TARS3: variants seen among roughly 807,000 people sequenced by gnomAD.
The protein encoded by TARS3 is threonine--tRNA ligase 2, cytoplasmic.
In TARS3, 94 loss-of-function variants were observed where a neutral mutation model predicts 103.5. The ratio of observed to expected loss-of-function variants is 0.91; its 90% CI spans 0.77 to 1.08. TARS3 has a LOEUF of 1.08. Among genes scored for constraint, TARS3 ranks in the 50% least tolerant of loss-of-function variants. The probability of loss-of-function intolerance (pLI) is 0.00; values close to 1 mark genes in which losing one functional copy is unlikely to be tolerated. For missense variants in TARS3, 952 were observed against 995.2 expected, an observed-to-expected ratio of 0.96 and a Z score of 0.58; for synonymous variants, 416 against 355.4, an observed-to-expected ratio of 1.17 and a Z score of -1.92.
At position 101,705,745 on chromosome 15, in the gene TARS3, G is replaced by T; in HGVS notation, c.933C>A (p.Tyr311Ter). The T allele has an allele frequency of 6.2e-7, 1 of 1,602,306 alleles. No individual in the cohort carries two copies. The highest frequency in any genetic ancestry group is 8.5e-7 in the Non-Finnish European group (1 of 1,171,640). Reference protein sequence around the residue: ...SKEILLEMFKYNKFKCRILNE... With the variant: ...SKEILLEMFK The stretch of plus-strand genomic sequence containing the variant: ...TCAGAATGCGGCATTTAAATTTATT[G>T]TACTACGAAGAAAAACATATTTACA... The change falls in exon 7 of 19, where the codon TAC becomes TAA. Residue 311 changes from tyrosine to a stop codon, truncating the protein, a stop_gained and splice_region_variant. Coordinates refer to ENST00000335968, the MANE Select transcript of TARS3 (RefSeq NM_152334.3). LOFTEE classifies it high-confidence loss of function.
intron 3 of TARS3, 79 bp from the exon 4 acceptor site, chr15:101,715,042 G>C: frequency 7.2e-6 from 10 of 1,391,636 alleles, no homozygotes; most frequent in Non-Finnish European, 7.6e-6. Flanking sequence ...GAATTTCTAG[G>C]GTTTTTTTTT....
rs76483357 is a variant in TARS3, at chr15:101,663,116, T to C, written c.1968-1300A>G. On this transcript the variant is annotated intron_variant, in intron 15 of 18. Transcript: ENST00000335968. ...TATAAATAACATCTATAGTCATGTGTTGCCTAATGACATTTTGGTCAACAA... is the reference window on the plus strand; with the variant it reads ...TATAAATAACATCTATAGTCATGTGCTGCCTAATGACATTTTGGTCAACAA... Among the ~76,000 whole-genome samples the C allele has an allele frequency of 2.8e-4, 42 of 152,372 alleles. No homozygotes were observed. In the East Asian group the frequency reaches 6.6e-3, roughly 24 times the overall value.
intron 10 of TARS3, among the ~76,000 whole-genome samples, chr15:101,693,982 G>A (rs1898852601): frequency 6.6e-6 from 1 of 151,826 alleles, no homozygotes; most frequent in Admixed American, 6.6e-5. Context: ...AGTTCTGCAT[G>A]TTATCAAAAA....
intron 4 of TARS3, 29 bp downstream of exon 4, chr15:101,714,811 G>T: frequency 6.3e-7 from 1 of 1,596,418 alleles, no homozygotes; most frequent in Non-Finnish European, 8.5e-7. Flanking sequence ...ACTACCCAAA[G>T]TTTGGCTGTC....
intron 13 of TARS3, among the ~76,000 whole-genome samples, chr15:101,674,792 A>G (rs1292651128): frequency 6.6e-6 from 1 of 151,702 alleles, no homozygotes; most frequent in Non-Finnish European, 1.5e-5. Flanking sequence ...GCAACAGAGC[A>G]AGACTCCGTC....
intron 13 of TARS3, among the ~76,000 whole-genome samples, chr15:101,672,407 G>A (rs539739428): frequency 8.5e-4 from 129 of 152,260 alleles, no homozygotes; most frequent in Admixed American, 1.6e-3. Context: ...CGTGAATCCA[G>A]CTTCCCTGGG....
intron 10 of TARS3, among the ~76,000 whole-genome samples, chr15:101,697,336 G>A (rs138417372): frequency 1.3e-5 from 2 of 152,150 alleles, no homozygotes; most frequent in Admixed American, 6.5e-5. Context: ...TTATTACGAG[G>A]TGCCAGAAAC....
chr15:101,661,648 G>T, intron 16 of TARS3, 64 bp downstream of exon 16: 2 of 1,013,752 alleles, frequency 2.0e-6, no homozygotes, highest in South Asian at 1.8e-5. Context: ...AAGGAAAAAT[G>T]AGTAAATTAA....
intron 10 of TARS3, among the ~76,000 whole-genome samples, chr15:101,694,019 A>T (rs1026528448): frequency 1.3e-5 from 2 of 152,170 alleles, no homozygotes; most frequent in African/African-American, 4.8e-5. Flanking sequence ...CATGACAATT[A>T]AAAAAGTTAA....
In TARS3 at chr15:101,711,875, G is replaced by A. The variant is rs1169168471; in HGVS notation, c.812+5C>T. ...GCATTCACAAGCCAGTATTCAGTGT[G>A]TTACCTGTCTTCAATGAACATGTCA... On this transcript the variant is annotated splice_donor_5th_base_variant and intron_variant, in intron 5 of 18. Coordinates refer to ENST00000335968, the MANE Select transcript of TARS3 (RefSeq NM_152334.3). 6.2e-7 allele frequency: 1 copy of A among 1,613,542 alleles called. No individual in the cohort carries two copies. The highest frequency in any genetic ancestry group is 1.7e-5 in the Admixed American group (1 of 59,976).
intron 10 of TARS3, among the ~76,000 whole-genome samples, chr15:101,697,274 C>G (rs778725192): frequency 6.6e-6 from 1 of 152,072 alleles, no homozygotes; most frequent in Non-Finnish European, 1.5e-5. Flanking sequence ...TAACAATAAC[C>G]TAAAACATGT....
chr15:101,715,210 G>T (rs938619385), intron 3 of TARS3, among the ~76,000 whole-genome samples: 111 of 150,158 alleles, frequency 7.4e-4, no homozygotes, highest in South Asian at 1.5e-3. Flanking sequence ...GCAGTGGCGG[G>T]ATCTCGGCTC....
chr15:101,699,355 T>G, intron 10 of TARS3: 1 of 455,508 alleles, frequency 2.2e-6, no homozygotes, highest in South Asian at 1.6e-5. Flanking sequence ...TCACTGGGTT[T>G]GTGCATTTAA....
intron 3 of TARS3, 54 bp from the exon 4 acceptor site, chr15:101,715,017 C>T: frequency 6.7e-7 from 1 of 1,490,668 alleles, no homozygotes; most frequent in Admixed American, 2.3e-5. Flanking sequence ...ACAATGATTC[C>T]TTAAAATATT....
At position 101,653,949 on chromosome 15, in the gene TARS3, T is replaced by A. The variant is rs1164135388; in HGVS notation, c.*633A>T. On this transcript the variant is annotated 3_prime_UTR_variant, in exon 19 of 19. Transcript: ENST00000335968. ...CGCTGGAAACACTGATGCAATTCAT[T>A]TGGGAATTTATTTTTTTCTAAAGCG... 6.6e-6 allele frequency: 1 copy of A among 152,276 alleles called. No individual in the cohort carries two copies. The highest frequency in any genetic ancestry group is 2.4e-5 in the African/African-American group (1 of 41,462). 9.4% of individuals were successfully genotyped at this position (152,276 alleles called of 1,614,324 possible).
chr15:101,718,966 C>T (rs571409984), intron 3 of TARS3, among the ~76,000 whole-genome samples: 1 of 152,198 alleles, frequency 6.6e-6, no homozygotes, highest in South Asian at 2.1e-4. Context: ...GGAAACTGCA[C>T]AGATCCCAAG....
intron 12 of TARS3, among the ~76,000 whole-genome samples, chr15:101,679,299 C>T (rs893327649): frequency 6.6e-6 from 1 of 152,166 alleles, no homozygotes; most frequent in Admixed American, 6.5e-5. Flanking sequence ...TCCCACTGTT[C>T]TCAGGCTCTG....
chr15:101,709,060 C>T, intron 5 of TARS3, 150 bp from the exon 6 acceptor site: 2 of 570,418 alleles, frequency 3.5e-6, no homozygotes, highest in East Asian at 3.1e-5. Flanking sequence ...ACAGTCACTA[C>T]TCTTGTGTCT....
intron 8 of TARS3, among the ~76,000 whole-genome samples, chr15:101,703,618 G>A (rs1899393840): frequency 2.0e-5 from 3 of 151,922 alleles, no homozygotes; most frequent in South Asian, 4.2e-4. Flanking sequence ...ATAAAATATC[G>A]TATGAAAAAG....
Sources: gnomAD v4.1 joint callset for allele counts (sites outside exome capture counted in the v4.1 genomes callset) on GRCh38, gnomAD v4.1.1 for gene constraint, MANE v1.5 for transcripts, NCBI Gene and HGNC (gene_info 2026-07-23, HGNC 2026-07-21) for gene names.